The following ZIM2 variants were observed in gnomAD, a reference collection of about 807,000 sequenced individuals.
The protein encoded by ZIM2 is zinc finger imprinted 2.
ZIM2 carries 14 observed loss-of-function variants against 38.6 expected under a neutral mutation model. That is an observed-to-expected ratio of 0.36 (90% CI 0.24 to 0.57). The LOEUF (loss-of-function observed/expected upper bound fraction) is 0.57, where lower values mean the gene tolerates loss of function less well. Ranked by LOEUF, ZIM2 falls within the 20% of genes least tolerant of loss-of-function variation. ZIM2 has a pLI of 0.81. For missense variants in ZIM2, 680 were observed against 695.1 expected, an observed-to-expected ratio of 0.98 and a Z score of 0.24; for synonymous variants, 247 against 245.8, an observed-to-expected ratio of 1.00 and a Z score of -0.04.
chr19:56,814,743 G>A lies in ZIM2; in HGVS notation c.490+3003C>T. On this transcript the variant is annotated intron_variant, in intron 9 of 12. Transcript: ENST00000629319. The surrounding 1 kb of genome is among the most constrained non-coding windows in gnomAD (Gnocchi z 5.8). The stretch of plus-strand genomic sequence containing the variant: ...CATTAAGGGCAGAGCTATGAATGAA[G>A]CCTTGTCCACACAAAAGGCATCGAA... The A allele has an allele frequency of 1.2e-6, 2 of 1,614,136 alleles. No individual in the cohort carries two copies. The highest frequency in any genetic ancestry group is 1.7e-6 in the Non-Finnish European group (2 of 1,180,016).
At chr19:56,794,603 C>G (rs2047101043) in intron 9 of ZIM2, among the ~76,000 whole-genome samples, 1 of 152,150 alleles carries the variant, frequency 6.6e-6, no homozygotes. Context: ...CCAAATTTTC[C>G]TTTCAACGGC....
rs374588633 is a variant in ZIM2, at chr19:56,779,741, C to T, written c.740-269G>A. 9.9e-5 allele frequency among the ~76,000 whole-genome samples: 15 copies of T among 152,218 alleles called. No homozygotes were observed. The East Asian group carries it at 2.9e-3, about 29-fold the overall frequency. The stretch of plus-strand genomic sequence containing the variant: ...CTCAACATTCTGCAAGACAGCCCCA[C>T]AACCCGGGACGATCTGGTTCCATGT... On this transcript the variant is annotated intron_variant, in intron 11 of 12. Transcript: ENST00000629319.
intron 9 of ZIM2, chr19:56,816,298 C>A (rs2059972232): frequency 6.2e-7 from 1 of 1,614,012 alleles, no homozygotes; most frequent in African/African-American, 1.3e-5. Context: ...ATACCCTCTG[C>A]CTTCAAAGAG....
chr19:56,785,788 G>GA (rs2145884771), intron 10 of ZIM2, among the ~76,000 whole-genome samples: 1 of 152,332 alleles, frequency 6.6e-6, no homozygotes, highest in East Asian at 1.9e-4. Flanking sequence ...ATCACCTGGG[G>GA]ATCTTGTTAA....
At chr19:56,812,420 T>TC in intron 9 of ZIM2, 1 of 871,500 alleles carries the variant, frequency 1.1e-6, no homozygotes. Flanking sequence ...TGTAAAGAAT[T>TC]TTTTTTTTTT....
chr19:56,808,541 T>C (rs530658373), intron 9 of ZIM2, among the ~76,000 whole-genome samples: 1 of 152,240 alleles, frequency 6.6e-6, no homozygotes, highest in Non-Finnish European at 1.5e-5. Flanking sequence ...ATCAATCTGC[T>C]GTCTGGCTGG....
At chr19:56,838,989 T>C (rs2062584926) in intron 1 of ZIM2, among the ~76,000 whole-genome samples, 1 of 151,978 alleles carries the variant, frequency 6.6e-6, no homozygotes, top group Non-Finnish European at 1.5e-5. Flanking sequence ...CCGCCGCATC[T>C]GCCGCCAACC....
rs1320710977 is a variant in ZIM2 at position 56,800,455 on chromosome 19, T to C, written c.491-10504A>G. Among the ~76,000 whole-genome samples the C allele has an allele frequency of 3.3e-5, 5 of 152,176 alleles. No homozygotes were observed. The East Asian group carries it at 9.6e-4, about 29-fold the overall frequency. ...TCAAGATTTATTGCTTCCTGAGTTT[T>C]CACTAAAATTTAAGGTTACTAAAAG... On this transcript the variant is annotated intron_variant, in intron 9 of 12. Transcript: ENST00000629319.
chr19:56,813,014 T>C (rs2059644089), intron 9 of ZIM2: 1 of 985,704 alleles, frequency 1.0e-6, no homozygotes, highest in Admixed American at 6.1e-5. Flanking sequence ...GTACTTATCT[T>C]TTCAAACAGT....
chr19:56,792,614 A>G (rs906453146), intron 9 of ZIM2, among the ~76,000 whole-genome samples: 4 of 151,870 alleles, frequency 2.6e-5, no homozygotes, highest in African/African-American at 9.7e-5. Context: ...CACTGGGTAT[A>G]CATGGACTCT....
intron 9 of ZIM2, among the ~76,000 whole-genome samples, chr19:56,806,421 A>T (rs147264026): frequency 3.3e-5 from 5 of 152,250 alleles, no homozygotes; most frequent in East Asian, 1.9e-4. Context: ...CCTGTGGGGA[A>T]GGGGGAGGAG....
intron 9 of ZIM2, chr19:56,812,499 G>C (rs45600540): frequency 0.012 from 12,278 of 985,354 alleles, 78 homozygotes; most frequent in Non-Finnish European, 0.014. Context: ...GCGATAGAAA[G>C]ATCTAAGGAT....
chr19:56,821,636 G>A lies in ZIM2; in HGVS notation c.294+15C>T. On this transcript the variant is annotated intron_variant, in intron 7 of 12. Transcript: ENST00000629319. ...GAAGATGGCCTTTCTAGAAAGAGAG[G>A]AAACCTGAGCATACCTGAGATCGGG... is the stretch of plus-strand genomic sequence containing the variant. 1 of 1,612,622 alleles carries A rather than the reference G, an allele frequency of 6.2e-7. No individual in the cohort carries two copies.
At chr19:56,788,045 A>C (rs912966820) in intron 10 of ZIM2, among the ~76,000 whole-genome samples, 2 of 149,412 alleles carry the variant, frequency 1.3e-5, no homozygotes, top group East Asian at 3.9e-4. Context: ...TCTTTTCAAA[A>C]AACCAGCTCC....
At chr19:56,811,372 A>G in intron 9 of ZIM2, 7 of 875,484 alleles carry the variant, frequency 8.0e-6, no homozygotes, top group Non-Finnish European at 9.6e-6. Flanking sequence ...TTATAACTGT[A>G]GTATAAATAT....
intron 2 of ZIM2, among the ~76,000 whole-genome samples, chr19:56,828,902 C>T (rs1444662293): frequency 2.6e-5 from 4 of 152,086 alleles, no homozygotes; most frequent in Non-Finnish European, 5.9e-5. Flanking sequence ...TGTAGAGAAG[C>T]TAGCTGGTGC....
chr19:56,814,503 G>C lies in ZIM2; in HGVS notation c.490+3243C>G, dbSNP rs765428790. 1 of 1,613,448 alleles carries C rather than the reference G, an allele frequency of 6.2e-7. No individual in the cohort carries two copies. Among genetic ancestry groups the C allele is most frequent in the South Asian group, 1.1e-5 (1 of 91,064 alleles). On this transcript the variant is annotated intron_variant, in intron 9 of 12. Coordinates refer to ENST00000629319, the MANE Select transcript of ZIM2 (RefSeq NM_001387356.1). This position sits in a 1 kb window ranked among gnomAD's most constrained non-coding sequence, Gnocchi z 5.8. ...TAAGAAATGAGGTGTGAGTATAGGA[G>C]GACCCGTACTCATAGGGCTCATTCT...
chr19:56,784,422 G>C (rs1426176315), intron 10 of ZIM2, among the ~76,000 whole-genome samples: 1 of 152,134 alleles, frequency 6.6e-6, no homozygotes, highest in African/African-American at 2.4e-5. Context: ...TAAGAAAATT[G>C]AATTTAGTTG....
chr19:56,798,849 A>T (rs1275921553), intron 9 of ZIM2: 1 of 152,070 alleles, frequency 6.6e-6, no homozygotes, highest in Non-Finnish European at 1.5e-5. Flanking sequence ...GGCAATGAAC[A>T]TTTTTTTTAA....
Sources: gnomAD v4.1 joint callset for allele counts (sites outside exome capture counted in the v4.1 genomes callset) on GRCh38, gnomAD v4.1.1 for gene constraint, Gnocchi (gnomAD v3.1) non-coding constraint, MANE v1.5 for transcripts, NCBI Gene and HGNC (gene_info 2026-07-23, HGNC 2026-07-21) for gene names.